ENTR1: variants seen among roughly 807,000 people sequenced by gnomAD.
The protein encoded by ENTR1 is endosome associated trafficking regulator 1, also known as endosome-associated-trafficking regulator 1.
In ENTR1, 47 loss-of-function variants were observed where a neutral mutation model predicts 47.9. The ratio of observed to expected loss-of-function variants is 0.98; its 90% CI spans 0.78 to 1.25. The LOEUF (loss-of-function observed/expected upper bound fraction) is 1.25. Among genes scored for constraint, ENTR1 ranks in the 50% most tolerant of loss-of-function variants. The pLI, the probability that ENTR1 is intolerant of heterozygous loss-of-function variation, is 0.00. For synonymous variants in ENTR1, 290 were observed against 245.8 expected, an observed-to-expected ratio of 1.18 and a Z score of -1.68; for missense variants, 668 against 570.5, an observed-to-expected ratio of 1.17 and a Z score of -1.74.
chr9:136,407,913 C>A lies in ENTR1; in HGVS notation c.315G>T (p.Glu105Asp), dbSNP rs745565224. 3 of 1,610,134 alleles carry A rather than the reference C, an allele frequency of 1.9e-6. No individual in the cohort carries two copies. The highest frequency in any genetic ancestry group is 2.5e-6 in the Non-Finnish European group (3 of 1,176,492). Reference sequence around the variant, plus strand: ...ACTCTCTAAAAGAGAATGGATTTGCCTCTTCCAGATCTTCAAATCTGTCAT... The same window carrying A: ...ACTCTCTAAAAGAGAATGGATTTGCATCTTCCAGATCTTCAAATCTGTCAT... ...FGDDRFEDLE[E>D]ANPFSFREFL... is the part of the protein sequence containing the mutation. Residue 105 changes from glutamate (E) to aspartate (D), a missense_variant, in exon 4 of 10, where the codon GAG becomes GAT. By Grantham distance (45) the Glu-to-Asp change is conservative. Coordinates refer to ENST00000357365, the MANE Select transcript of ENTR1 (RefSeq NM_001039707.2).
intron 9 of ENTR1, 149 bp from the exon 10 acceptor site, chr9:136,403,036 G>C (rs1393400171): frequency 4.3e-6 from 2 of 461,474 alleles, no homozygotes; most frequent in Non-Finnish European, 7.5e-6. Context: ...GTGGGAGGAA[G>C]GCGAGGGTTT....
rs1834853042 is a variant in ENTR1, at chr9:136,407,808, A to G, written c.402+18T>C. On this transcript the variant is annotated intron_variant, in intron 4 of 9. Coordinates refer to ENST00000357365, the MANE Select transcript of ENTR1 (RefSeq NM_001039707.2). ...GAAACGTCCCACAGAGCCATCGCCC[A>G]CAGTGCCGTGGATTTACCTTTGCAT... 6.4e-7 allele frequency: 1 copy of G among 1,565,254 alleles called. No individual in the cohort carries two copies. The highest frequency in any genetic ancestry group is 1.1e-5 in the South Asian group (1 of 90,106).
At chr9:136,409,970 G>A in intron 2 of ENTR1, 120 bp downstream of exon 2, 1 of 1,246,722 alleles carries the variant, frequency 8.0e-7, no homozygotes, top group Non-Finnish European at 1.2e-6. Flanking sequence ...CCGAGTGCCT[G>A]GCACGCAGTG....
intron 2 of ENTR1, 65 bp downstream of exon 2, chr9:136,410,025 G>C: frequency 6.4e-7 from 1 of 1,572,572 alleles, no homozygotes; most frequent in Non-Finnish European, 8.7e-7. Context: ...TCGTGCTGCA[G>C]CGGAGGTGCC....
chr9:136,409,794 C>G (rs1163287332), intron 2 of ENTR1: 2 of 513,838 alleles, frequency 3.9e-6, no homozygotes, highest in Non-Finnish European at 7.5e-6. Flanking sequence ...GGTTTCCAAT[C>G]ACTGCCCACT....
chr9:136,404,188 C>A lies in ENTR1; in HGVS notation c.1075G>T (p.Val359Phe). ...KQEISLLQAQ[V>F]SNFQRENEAL... ...TCATTCTCTCGCTGGAAGTTGGAGA[C>A]CTGCGCCTGGGGGGACGGTTACGGC... The change falls in exon 9 of 10, where the codon GTC (valine) becomes TTC (phenylalanine). Residue 359 changes from valine (V) to phenylalanine (F), a missense_variant. Coordinates refer to ENST00000357365, the MANE Select transcript of ENTR1 (RefSeq NM_001039707.2). 10 of 1,607,416 alleles carry A rather than the reference C, an allele frequency of 6.2e-6. No homozygotes were observed. The highest frequency in any genetic ancestry group is 7.7e-6 in the Non-Finnish European group (9 of 1,176,202).
At chr9:136,403,197 C>A (rs1362508471) in intron 9 of ENTR1, among the ~76,000 whole-genome samples, 2 of 16,302 alleles carry the variant, frequency 1.2e-4, no homozygotes, top group Non-Finnish European at 2.3e-4. Context: ...GTTTCCAGAG[C>A]GGGGAGGGAT....
In ENTR1 at chr9:136,405,897, TTACA is replaced by T; in HGVS notation, c.893+4_893+7del. The stretch of plus-strand genomic sequence containing the variant: ...GTGGATTGCATTCCTAACTAAAAGC[TTACA>T]TACATTTCTGTTTGAGCTTCAGAGA... On this transcript the variant is annotated splice_donor_5th_base_variant and intron_variant, in intron 6 of 9. Coordinates refer to ENST00000357365, the MANE Select transcript of ENTR1 (RefSeq NM_001039707.2). The T allele has an allele frequency of 1.3e-6, 2 of 1,569,876 alleles. No homozygotes were observed. The highest frequency in any genetic ancestry group is 1.7e-6 in the Non-Finnish European group (2 of 1,153,074).
chr9:136,407,650 A>C (rs1834846509), intron 4 of ENTR1, 89 bp from the exon 5 acceptor site: 4 of 1,474,290 alleles, frequency 2.7e-6, no homozygotes, highest in South Asian at 2.8e-5. Flanking sequence ...CGCAACAAGA[A>C]GAAAGGCCCA....
At chr9:136,404,802 C>T in intron 7 of ENTR1, 109 bp from the exon 8 acceptor site, 2 of 1,045,904 alleles carry the variant, frequency 1.9e-6, no homozygotes, top group Non-Finnish European at 2.9e-6. Flanking sequence ...CTGGCTGTGG[C>T]CCTTCACAGC....
At position 136,407,544 on chromosome 9, in the gene ENTR1, G is replaced by C. The variant is rs761640525; in HGVS notation, c.420C>G (p.Ser140=). 4 of 1,579,528 alleles carry C rather than the reference G, an allele frequency of 2.5e-6. No individual in the cohort carries two copies. In the South Asian group the frequency reaches 4.6e-5, roughly 18 times the overall value. The part of the protein sequence containing the change: ...RIYAKEASRH[S]LGLDHNSPPS... ...GTGGGGAGTTGTGGTCAAGTCCCAGGGAATGCCTCGAGGCTTCCTAAAAAA... is the reference window on the plus strand; with the variant it reads ...GTGGGGAGTTGTGGTCAAGTCCCAGCGAATGCCTCGAGGCTTCCTAAAAAA... The change falls in exon 5 of 10, where the codon TCC becomes TCG. Residue 140 remains serine, a synonymous_variant. Coordinates refer to ENST00000357365, the MANE Select transcript of ENTR1 (RefSeq NM_001039707.2).
rs772628616 is a variant in ENTR1 at position 136,407,565 on chromosome 9, A to T, written c.403-4T>A. On this transcript the variant is annotated splice_region_variant and splice_polypyrimidine_tract_variant and intron_variant, in intron 4 of 9. Coordinates refer to ENST00000357365, the MANE Select transcript of ENTR1 (RefSeq NM_001039707.2). Reference sequence around the variant, plus strand: ...CCAGGGAATGCCTCGAGGCTTCCTAAAAAAAAAAAAAAAAAAAAAACAATG... The same window carrying T: ...CCAGGGAATGCCTCGAGGCTTCCTATAAAAAAAAAAAAAAAAAAAACAATG... 8 of 148,366 alleles carry T rather than the reference A, an allele frequency of 5.4e-5. No homozygotes were observed. The East Asian group carries it at 2.0e-3, about 36-fold the overall frequency. The allele number at this position is 148,366 out of a possible 1,614,324, so 9.2% of individuals were successfully genotyped here. A position where few individuals can be genotyped will look rare whatever the true frequency, so the allele number is the denominator to read the frequency against.
At chr9:136,404,336 G>T (rs1834657205) in intron 8 of ENTR1, 142 bp from the exon 9 acceptor site, 1 of 1,129,364 alleles carries the variant, frequency 8.9e-7, no homozygotes, top group Non-Finnish European at 1.3e-6. Flanking sequence ...TCGCCTCTGG[G>T]ACTGGGGGCC....
At chr9:136,408,712 C>G (rs1834906179) in intron 3 of ENTR1, among the ~76,000 whole-genome samples, 1 of 152,180 alleles carries the variant, frequency 6.6e-6, no homozygotes, top group Non-Finnish European at 1.5e-5. Flanking sequence ...TTGCCACCGC[C>G]TTCCCACCCT....
Position 136,407,211 on chromosome 9 carries a change from G to A in ENTR1, c.753C>T (p.Asp251=). 1 of 1,612,946 alleles carries A rather than the reference G, an allele frequency of 6.2e-7. No homozygotes were observed. The highest frequency in any genetic ancestry group is 2.2e-5 in the East Asian group (1 of 44,896). The part of the protein sequence containing the change: ...PASPAGSPSA[D]FAVHGESLGD... ...CCAGAGACTCTCCATGAACCGCAAA[G>A]TCTGCGCTAGGACTCCCTGCCGGAG... Residue 251 remains aspartate, a synonymous_variant, in exon 5 of 10, where the codon GAC becomes GAT. Transcript: ENST00000357365.
rs111838993 is a variant in ENTR1, at chr9:136,407,277, C to A, written c.687G>T (p.Ser229=). 3 of 1,612,842 alleles carry A rather than the reference C, an allele frequency of 1.9e-6. No homozygotes were observed. Among genetic ancestry groups the A allele is most frequent in the South Asian group, 2.2e-5 (2 of 91,034 alleles). ...SELAGPESLP[S]WALSDTDSRV... is the part of the protein sequence containing the mutation. ...GAGAATCAGTGTCACTCAACGCCCA[C>A]GAGGGCAGAGACTCAGGCCCTGCCA... Residue 229 remains serine, a synonymous_variant, in exon 5 of 10, where the codon TCG becomes TCT. Coordinates refer to ENST00000357365, the MANE Select transcript of ENTR1 (RefSeq NM_001039707.2).
In ENTR1 at chr9:136,407,503, C is replaced by T. The variant is rs1245135769; in HGVS notation, c.461G>A (p.Gly154Glu). The part of the protein sequence containing the change: ...DHNSPPSQTG[G>E]YGLEYQQPFF... ...TGGCTGCTGATACTCCAGGCCATAC[C>T]CGCCGGTTTGGGAGGGTGGGGAGTT... Residue 154 changes from glycine to glutamate, a missense_variant, in exon 5 of 10, where the codon GGG becomes GAG. Coordinates refer to ENST00000357365, the MANE Select transcript of ENTR1 (RefSeq NM_001039707.2). 4 of 1,610,896 alleles carry T rather than the reference C, an allele frequency of 2.5e-6. No homozygotes were observed. Among genetic ancestry groups the T allele is most frequent in the South Asian group, 1.1e-5 (1 of 90,936 alleles).
Position 136,407,435 on chromosome 9 carries a change from C to A in ENTR1, c.529G>T (p.Glu177Ter). 6.2e-7 allele frequency: 1 copy of A among 1,610,754 alleles called. No individual in the cohort carries two copies. The stretch of plus-strand genomic sequence containing the variant: ...CTCCATCCGGTGTCCTCATCCTCCT[C>A]CTCATCCAGGAGGTCACCAGCCCCT... ...PTGAGDLLDE[E>*]EDEDTGWSGA... The change falls in exon 5 of 10, where the codon GAG becomes TAG. Residue 177 changes from glutamate to a stop codon, truncating the protein, a stop_gained. Transcript: ENST00000357365. LOFTEE classifies it high-confidence loss of function.
rs201808826 is a variant in ENTR1 at position 136,404,669 on chromosome 9, G to A, written c.1030C>T (p.His344Tyr). 2.1e-4 allele frequency: 339 copies of A among 1,614,076 alleles called. 2 individuals carry two copies. In the East Asian group the frequency reaches 4.3e-3, roughly 21 times the overall value. ...ATTTCCTGTTTTAGTTTCACGACGT[G>A]GTTTTCTGCCTTTACAGCCCGTTTC... is the stretch of plus-strand genomic sequence containing the variant. ...MTKRAVKAEN[H>Y]VVKLKQEISL... The change falls in exon 8 of 10, where the codon CAC becomes TAC. Residue 344 changes from histidine to tyrosine, a missense_variant. Transcript: ENST00000357365.
Sources: gnomAD v4.1 joint callset for allele counts (sites outside exome capture counted in the v4.1 genomes callset) on GRCh38, gnomAD v4.1.1 for gene constraint, MANE v1.5 for transcripts, NCBI Gene and HGNC (gene_info 2026-07-23, HGNC 2026-07-21) for gene names.